GALNT8: variants seen among roughly 807,000 people sequenced by gnomAD.
GALNT8 encodes the protein probable polypeptide N-acetylgalactosaminyltransferase 8.
In GALNT8, 66 loss-of-function variants were observed where a neutral mutation model predicts 62.7. The observed-to-expected ratio is 1.05, with a 90% confidence interval of 0.86 to 1.29. The LOEUF is 1.29. Ranked by LOEUF, GALNT8 falls within the 50% of genes most tolerant of loss-of-function variation. GALNT8 has a pLI of 0.00. For missense variants in GALNT8, 771 were observed against 791.8 expected (o/e 0.97, Z 0.32); for synonymous variants, 288 against 294.3 (o/e 0.98, Z 0.22).
chr12:4,728,197 T>TA (rs913314816), intron 2 of GALNT8, among the ~76,000 whole-genome samples: 5 of 109,916 alleles, frequency 4.5e-5, no homozygotes, highest in Non-Finnish European at 9.7e-5. Context: ...GACGTTCTTT[T>TA]AAAAAAAAAT....
intron 7 of GALNT8, 67 bp from the exon 8 acceptor site, chr12:4,763,186 T>C (rs1176193195): frequency 7.4e-7 from 1 of 1,344,854 alleles, no homozygotes; most frequent in African/African-American, 1.4e-5. Context: ...TCTCAGGCCA[T>C]ATTTAGTTCG....
chr12:4,744,249 CA>C (rs1476985023), intron 3 of GALNT8, among the ~76,000 whole-genome samples: 9 of 152,192 alleles, frequency 5.9e-5, no homozygotes, highest in African/African-American at 2.2e-4. Context: ...GCACTTATAA[CA>C]GTGCCTGACA....
chr12:4,733,191 A>G (rs182227727), intron 2 of GALNT8, among the ~76,000 whole-genome samples: 1 of 152,386 alleles, frequency 6.6e-6, no homozygotes, highest in Admixed American at 6.5e-5. Flanking sequence ...TAGCCGTATT[A>G]TAAGTGCTTG....
intron 6 of GALNT8, among the ~76,000 whole-genome samples, chr12:4,751,830 C>A (rs1328754547): frequency 6.6e-6 from 1 of 152,050 alleles, no homozygotes; most frequent in African/African-American, 2.4e-5. Context: ...GAAGATCTGT[C>A]CAGTGCTGAA....
chr12:4,760,536 G>T (rs1191478241), intron 6 of GALNT8, among the ~76,000 whole-genome samples: 2 of 152,176 alleles, frequency 1.3e-5, no homozygotes, highest in Non-Finnish European at 2.9e-5. Flanking sequence ...CAGGAGGAGG[G>T]ATCATGGGGT....
chr12:4,720,612 AT>A lies in GALNT8; in HGVS notation c.-64del. Reference sequence around the variant, plus strand: ...TCCCACAAAAGCTAGGCTGGTTCTGATTCTTAACCTGCTCCAGCAGTGACAC... The same window carrying A: ...TCCCACAAAAGCTAGGCTGGTTCTGATCTTAACCTGCTCCAGCAGTGACAC... On this transcript the variant is annotated 5_prime_UTR_variant, in exon 1 of 11. Coordinates refer to ENST00000252318, the MANE Select transcript of GALNT8 (RefSeq NM_017417.2). The A allele has an allele frequency of 9.5e-7, 1 of 1,057,968 alleles. No homozygotes were observed. The highest frequency in any genetic ancestry group is 1.5e-6 in the Non-Finnish European group (1 of 673,912). 65.5% of individuals were successfully genotyped at this position (1,057,968 alleles called of 1,614,324 possible). A position where few individuals can be genotyped will look rare whatever the true frequency, so the allele number is the denominator to read the frequency against.
intron 2 of GALNT8, among the ~76,000 whole-genome samples, chr12:4,729,877 C>T (rs926021330): frequency 6.6e-6 from 1 of 152,078 alleles, no homozygotes; most frequent in East Asian, 1.9e-4. Context: ...TCCACATTAT[C>T]GTCAATACTT....
chr12:4,754,818 C>G (rs1946337294), intron 6 of GALNT8, among the ~76,000 whole-genome samples: 1 of 152,152 alleles, frequency 6.6e-6, no homozygotes, highest in South Asian at 2.1e-4. Flanking sequence ...GTGATAAATG[C>G]TGCCAGGACT....
At chr12:4,746,574 C>A (rs16931677) in intron 6 of GALNT8, among the ~76,000 whole-genome samples, 1 of 152,116 alleles carries the variant, frequency 6.6e-6, no homozygotes, top group Non-Finnish European at 1.5e-5. Context: ...AACCTTGGAG[C>A]AGACAATTCT....
intron 6 of GALNT8, among the ~76,000 whole-genome samples, chr12:4,752,193 TTTCA>T (rs1260806243): frequency 1.3e-5 from 2 of 152,134 alleles, no homozygotes; most frequent in Non-Finnish European, 2.9e-5. Flanking sequence ...GGTCTTGTTT[TTTCA>T]TTCATTTGGC....
intron 2 of GALNT8, among the ~76,000 whole-genome samples, chr12:4,727,860 T>A (rs187362332): frequency 7.2e-5 from 11 of 152,298 alleles, no homozygotes; most frequent in Non-Finnish European, 1.3e-4. Context: ...ACAAATGTCT[T>A]CTTTTCTTGT....
At chr12:4,764,111 C>T in intron 9 of GALNT8, 64 bp downstream of exon 9, 2 of 904,916 alleles carry the variant, frequency 2.2e-6, no homozygotes, top group Non-Finnish European at 3.8e-6. Flanking sequence ...CCCTGGTAAC[C>T]ATTGCTGGGT....
intron 1 of GALNT8, among the ~76,000 whole-genome samples, chr12:4,722,095 C>T (rs970521875): frequency 2.6e-5 from 4 of 152,350 alleles, no homozygotes; most frequent in African/African-American, 9.6e-5. Context: ...AACAGCATCT[C>T]AAGGCAGAAG....
At chr12:4,723,732 G>A (rs2137516070) in intron 1 of GALNT8, among the ~76,000 whole-genome samples, 1 of 140,336 alleles carries the variant, frequency 7.1e-6, no homozygotes, top group Non-Finnish European at 1.5e-5. Flanking sequence ...TCTGGGCCCT[G>A]TTTCTAGATC....
intron 6 of GALNT8, among the ~76,000 whole-genome samples, chr12:4,757,056 G>GCGTT (rs1438477235): frequency 1.3e-5 from 2 of 152,168 alleles, no homozygotes; most frequent in Non-Finnish European, 2.9e-5. Context: ...AGTTCCTCCT[G>GCGTT]CGTTCATTCT....
chr12:4,723,385 C>A (rs1409575514), intron 1 of GALNT8, among the ~76,000 whole-genome samples: 1 of 152,134 alleles, frequency 6.6e-6, no homozygotes, highest in African/African-American at 2.4e-5. Flanking sequence ...CAGGAGGATG[C>A]CTGTGTACCT....
chr12:4,764,259 G>A (rs1565390114), intron 9 of GALNT8, among the ~76,000 whole-genome samples: 1 of 152,192 alleles, frequency 6.6e-6, no homozygotes, highest in Non-Finnish European at 1.5e-5. Context: ...TCAGTTACAG[G>A]GAGGATAGGT....
Position 4,770,169 on chromosome 12 carries a change from G to T in GALNT8, c.1762-2276G>T, listed in dbSNP as rs1565391573. On this transcript the variant is annotated intron_variant, in intron 10 of 10. Coordinates refer to ENST00000252318, the MANE Select transcript of GALNT8 (RefSeq NM_017417.2). Reference sequence around the variant, plus strand: ...ATACAAAAATTAGCTGGTTGTGGTGGTGGGCGCCTGTAATCCCAACCACCT... The same window carrying T: ...ATACAAAAATTAGCTGGTTGTGGTGTTGGGCGCCTGTAATCCCAACCACCT... 2.0e-5 allele frequency among the ~76,000 whole-genome samples: 3 copies of T among 152,006 alleles called. No homozygotes were observed. In the East Asian group the frequency reaches 5.8e-4, roughly 29 times the overall value.
chr12:4,727,278 T>C (rs1024001659), intron 2 of GALNT8, among the ~76,000 whole-genome samples: 8 of 151,450 alleles, frequency 5.3e-5, no homozygotes, highest in Non-Finnish European at 1.2e-4. Flanking sequence ...TCCATCTGTT[T>C]CCCTTTGCTA....
Sources: gnomAD v4.1 joint callset for allele counts (sites outside exome capture counted in the v4.1 genomes callset) on GRCh38, gnomAD v4.1.1 for gene constraint, MANE v1.5 for transcripts, NCBI Gene and HGNC (gene_info 2026-07-23, HGNC 2026-07-21) for gene names.